The following BAZ2B variants were observed in gnomAD, a reference collection of about 807,000 sequenced individuals.
BAZ2B encodes the protein bromodomain adjacent to zinc finger domain protein 2B.
A neutral mutation model predicts 246.0 loss-of-function variants in BAZ2B; 91 were observed. The observed-to-expected ratio is 0.37, with a 90% CI of 0.31 to 0.44. The LOEUF (loss-of-function observed/expected upper bound fraction) is 0.44, where lower values mean the gene tolerates loss of function less well. BAZ2B is among the 20% of genes least tolerant of loss of function. The pLI, the probability that BAZ2B is intolerant of heterozygous loss-of-function variation, is 1.00. For missense variants in BAZ2B, 2,332 were observed against 2,533.7 expected, an observed-to-expected ratio of 0.92 and a Z score of 1.71; for synonymous variants, 855 against 860.0, an observed-to-expected ratio of 0.99 and a Z score of 0.10.
intron 4 of BAZ2B, among the ~76,000 whole-genome samples, chr2:159,450,815 C>G (rs771256564): frequency 1.8e-4 from 27 of 151,296 alleles, no homozygotes; most frequent in Non-Finnish European, 3.7e-4. Flanking sequence ...TAGGGGCTCA[C>G]TGCAACCTCC....
intron 1 of BAZ2B, among the ~76,000 whole-genome samples, chr2:159,559,460 A>G (rs1411689076): frequency 6.6e-6 from 1 of 152,224 alleles, no homozygotes; most frequent in African/African-American, 2.4e-5. Context: ...AAACTATTGT[A>G]AATAGTCACA....
the BAZ2B span, chr2:159,670,808 G>A: frequency 6.6e-6 from 1 of 152,144 alleles, no homozygotes; most frequent in East Asian, 1.9e-4. Flanking sequence ...TTGTAGTATA[G>A]GTCTGCTGGA....
intron 2 of BAZ2B, among the ~76,000 whole-genome samples, chr2:159,482,300 T>C (rs923513456): frequency 1.3e-5 from 2 of 152,168 alleles, no homozygotes; most frequent in African/African-American, 4.8e-5. Context: ...TCAAACACTG[T>C]GCCTGAAGTT....
In BAZ2B at chr2:159,320,224, T is replaced by A; in HGVS notation, c.*41A>T. The A allele has an allele frequency of 6.8e-7, 1 of 1,470,826 alleles. No individual in the cohort carries two copies. The highest frequency in any genetic ancestry group is 9.0e-7 in the Non-Finnish European group (1 of 1,114,332). 91.1% of individuals were successfully genotyped at this position (1,470,826 alleles called of 1,614,324 possible). A position where few individuals can be genotyped will look rare whatever the true frequency, so the allele number is the denominator to read the frequency against. ...CAGTTCACATTGCTGGTCTCATTTGTCCTTGTTTAGAAGGAAAAAAATAAA... is the reference window on the plus strand; with the variant it reads ...CAGTTCACATTGCTGGTCTCATTTGACCTTGTTTAGAAGGAAAAAAATAAA... On this transcript the variant is annotated 3_prime_UTR_variant, in exon 37 of 37. Transcript: ENST00000392783.
At chr2:159,535,798 C>T (rs2085905092) in intron 2 of BAZ2B, among the ~76,000 whole-genome samples, 1 of 152,156 alleles carries the variant, frequency 6.6e-6, no homozygotes, top group African/African-American at 2.4e-5. Flanking sequence ...TCTTTTTCCA[C>T]TCCTCAAAGC....
chr2:159,629,313 C>A, the BAZ2B span, among the ~76,000 whole-genome samples: 1 of 152,166 alleles, frequency 6.6e-6, no homozygotes, highest in African/African-American at 2.4e-5. Context: ...ACCCAGCAAT[C>A]TCATTAGTGG....
At chr2:159,324,547 C>T (rs1335472637) in intron 36 of BAZ2B, among the ~76,000 whole-genome samples, 1 of 151,536 alleles carries the variant, frequency 6.6e-6, no homozygotes, top group Non-Finnish European at 1.5e-5. Flanking sequence ...ATGTCAAAAG[C>T]AGGTTTATTA....
chr2:159,455,564 C>A (rs1293703306), intron 3 of BAZ2B, among the ~76,000 whole-genome samples: 1 of 151,960 alleles, frequency 6.6e-6, no homozygotes, highest in East Asian at 1.9e-4. Context: ...GGTAAGAGGA[C>A]AAGGAAAGGG....
the BAZ2B span, among the ~76,000 whole-genome samples, chr2:159,685,548 T>C: frequency 1.3e-5 from 2 of 151,196 alleles, no homozygotes; most frequent in African/African-American, 4.9e-5. Context: ...TGAGAGAAAA[T>C]AGAAGAAAAG....
intron 26 of BAZ2B, 134 bp downstream of exon 26, chr2:159,374,557 C>T (rs2061215070): frequency 8.8e-6 from 6 of 684,176 alleles, no homozygotes; most frequent in South Asian, 1.9e-5. Context: ...GACAAAAATG[C>T]TATTCAGAAT....
chr2:159,617,818 A>G (rs958507203), upstream of BAZ2B, among the ~76,000 whole-genome samples: 1 of 152,002 alleles, frequency 6.6e-6, no homozygotes, highest in African/African-American at 2.4e-5. Context: ...GCATGCACTG[A>G]GAATGTCAGC....
intron 3 of BAZ2B, among the ~76,000 whole-genome samples, chr2:159,465,069 C>T (rs955768996): frequency 2.0e-5 from 3 of 152,152 alleles, no homozygotes; most frequent in Admixed American, 6.5e-5. Flanking sequence ...TGACTTAGAA[C>T]AACAGAAATT....
intron 3 of BAZ2B, among the ~76,000 whole-genome samples, chr2:159,473,245 G>A (rs2150832793): frequency 6.6e-6 from 1 of 152,280 alleles, no homozygotes; most frequent in South Asian, 2.1e-4. Flanking sequence ...CTCAGTTTCA[G>A]AACTTGTTAT....
chr2:159,513,924 T>C (rs1322077658), intron 2 of BAZ2B, among the ~76,000 whole-genome samples: 2 of 152,106 alleles, frequency 1.3e-5, no homozygotes, highest in African/African-American at 4.8e-5. Flanking sequence ...TCCATACCCG[T>C]ACTCACAATG....
intron 31 of BAZ2B, among the ~76,000 whole-genome samples, chr2:159,342,330 C>A (rs1209802468): frequency 6.6e-6 from 1 of 152,172 alleles, no homozygotes; most frequent in East Asian, 1.9e-4. Flanking sequence ...TTGAAAAGTT[C>A]ATATAGAACC....
At chr2:159,576,363 G>C (rs1419669885) in intron 1 of BAZ2B, among the ~76,000 whole-genome samples, 1 of 151,986 alleles carries the variant, frequency 6.6e-6, no homozygotes, top group Non-Finnish European at 1.5e-5. Context: ...AAAGAGATCA[G>C]TCTGGTCAAC....
At chr2:159,600,138 T>G (rs1340755632) in intron 1 of BAZ2B, among the ~76,000 whole-genome samples, 1 of 152,132 alleles carries the variant, frequency 6.6e-6, no homozygotes, top group African/African-American at 2.4e-5. Flanking sequence ...CTTTAGTAGT[T>G]GTACATAGTG....
chr2:159,562,206 T>C (rs961448771), intron 1 of BAZ2B, among the ~76,000 whole-genome samples: 2 of 152,114 alleles, frequency 1.3e-5, no homozygotes, highest in Admixed American at 6.6e-5. Context: ...GACTGAAACT[T>C]CTCTAAAAAA....
At chr2:159,597,612 C>A (rs371625490) in intron 1 of BAZ2B, among the ~76,000 whole-genome samples, 1 of 152,160 alleles carries the variant, frequency 6.6e-6, no homozygotes, top group South Asian at 2.1e-4. Flanking sequence ...CTGCGACCTT[C>A]GCCTTCTAGG....
Sources: allele counts gnomAD v4.1 joint callset (sites outside exome capture counted in the v4.1 genomes callset), GRCh38; gene constraint gnomAD v4.1.1; transcripts MANE v1.5; gene names NCBI Gene and HGNC (gene_info 2026-07-23, HGNC 2026-07-21).